The following POLQ variants were observed in gnomAD, a reference collection of about 807,000 sequenced individuals.
The protein encoded by POLQ is epididymis secretory sperm binding protein.
POLQ carries 233 observed loss-of-function variants against 259.2 expected under a neutral mutation model. The ratio of observed to expected loss-of-function variants is 0.90; its 90% CI spans 0.81 to 1.00. POLQ has a LOEUF of 1.00. Among genes scored for constraint, POLQ ranks in the 50% least tolerant of loss-of-function variants. The pLI is 0.00. For missense variants in POLQ, 2,871 were observed against 3,051.6 expected, an observed-to-expected ratio of 0.94 and a Z score of 1.39; for synonymous variants, 1,025 against 1,048.8, an observed-to-expected ratio of 0.98 and a Z score of 0.44.
At chr3:121,512,533 C>A (rs996694237) in intron 9 of POLQ, among the ~76,000 whole-genome samples, 5 of 152,168 alleles carry the variant, frequency 3.3e-5, no homozygotes, top group South Asian at 2.1e-4. Flanking sequence ...TTTCTTGTTG[C>A]TTCTCCACAA....
rs543929187 is a variant in POLQ at position 121,541,557 on chromosome 3, T to C, written c.344-78A>G. On this transcript the variant is annotated intron_variant, in intron 2 of 29. Coordinates refer to ENST00000264233, the MANE Select transcript of POLQ (RefSeq NM_199420.4). ...ATTCATTAATAAATGTTTTAAGCCA[T>C]GTGTAGTACTACAGAGCCTAAGGCT... The C allele has an allele frequency of 2.8e-4, 371 of 1,304,452 alleles. 1 individual carries two copies. The Admixed American group carries it at 5.2e-3, about 18-fold the overall frequency. 80.8% of individuals were successfully genotyped at this position (1,304,452 alleles called of 1,614,324 possible). A position where few individuals can be genotyped will look rare whatever the true frequency, so the allele number is the denominator to read the frequency against.
chr3:121,482,511 A>G (rs985349832), intron 18 of POLQ, among the ~76,000 whole-genome samples: 18 of 117,252 alleles, frequency 1.5e-4, no homozygotes, highest in Non-Finnish European at 2.9e-4. Context: ...CAAGAGCAAA[A>G]CTTCGTCTCA....
At chr3:121,509,849 G>T in intron 11 of POLQ, 146 bp from the exon 12 acceptor site, 1 of 886,700 alleles carries the variant, frequency 1.1e-6, no homozygotes. Context: ...AAATGTATGA[G>T]CAGGCTCTAT....
intron 3 of POLQ, 44 bp from the exon 4 acceptor site, chr3:121,539,633 A>T: frequency 6.7e-7 from 1 of 1,485,798 alleles, no homozygotes; most frequent in Non-Finnish European, 9.4e-7. Flanking sequence ...AAAACTTGAA[A>T]TTCAAGAGTT....
chr3:121,508,558 A>G (rs2048228227), intron 12 of POLQ, among the ~76,000 whole-genome samples: 2 of 152,186 alleles, frequency 1.3e-5, no homozygotes, highest in African/African-American at 4.8e-5. Flanking sequence ...CCACTGTATA[A>G]TAAATGACTT....
At chr3:121,439,314 T>A (rs1176047910) in intron 27 of POLQ, among the ~76,000 whole-genome samples, 1 of 151,490 alleles carries the variant, frequency 6.6e-6, no homozygotes, top group African/African-American at 2.4e-5. Flanking sequence ...CACTGCAGCC[T>A]CCAATTCCTG....
Position 121,511,913 on chromosome 3 carries a change from C to G in POLQ, c.1585G>C (p.Gly529Arg). 6.2e-7 allele frequency: 1 copy of G among 1,613,786 alleles called. No homozygotes were observed. ...TCCAGAATAGCTCGTATCATGCTGC[C>G]AGTTACTTCTTCTCCTTCTCGTCTT... ...LQRREGEEVTGSMIRAILEII... is the reference protein window; with the variant it reads ...LQRREGEEVTRSMIRAILEII... The change falls in exon 10 of 30, where the codon GGC (glycine) becomes CGC (arginine). Residue 529 changes from glycine (G) to arginine (R), a missense_variant. By Grantham distance (125) the Gly-to-Arg change is moderately radical (BLOSUM62 -2). Transcript: ENST00000264233.
At chr3:121,459,370 T>TG (rs1491535584) in intron 25 of POLQ, among the ~76,000 whole-genome samples, 6 of 18,812 alleles carry the variant, frequency 3.2e-4, no homozygotes, top group African/African-American at 2.3e-3. Flanking sequence ...ACTAGAAAGA[T>TG]TTTTTTTTTT....
intron 26 of POLQ, among the ~76,000 whole-genome samples, chr3:121,440,877 T>C (rs2108774372): frequency 6.6e-6 from 1 of 152,284 alleles, no homozygotes; most frequent in Middle Eastern, 3.4e-3. Flanking sequence ...CTGAAATTAA[T>C]GCATGAGTTA....
chr3:121,449,000 AT>A (rs1402603938), intron 26 of POLQ, among the ~76,000 whole-genome samples: 1 of 152,216 alleles, frequency 6.6e-6, no homozygotes, highest in African/African-American at 2.4e-5. Context: ...TATATACTCA[AT>A]AGTTTACTGT....
intron 24 of POLQ, among the ~76,000 whole-genome samples, chr3:121,465,043 G>A (rs1226922664): frequency 6.6e-6 from 1 of 150,800 alleles, no homozygotes; most frequent in Non-Finnish European, 1.5e-5. Flanking sequence ...TAAAAAATGA[G>A]TTTCTGGTAC....
chr3:121,515,763 C>G (rs1331236037), intron 9 of POLQ, among the ~76,000 whole-genome samples: 1 of 152,248 alleles, frequency 6.6e-6, no homozygotes, highest in Middle Eastern at 3.4e-3. Context: ...CACAAGAACA[C>G]AGATTACAAA....
At chr3:121,490,446 T>G in intron 15 of POLQ, 38 bp from the exon 16 acceptor site, 1 of 1,523,278 alleles carries the variant, frequency 6.6e-7, no homozygotes, top group Non-Finnish European at 9.1e-7. Context: ...AATGAATTCA[T>G]TCATTCGTAA....
rs2047514784 is a variant in POLQ at position 121,433,112 on chromosome 3, T to C, written c.7544-79A>G. On this transcript the variant is annotated intron_variant, in intron 28 of 29. Transcript: ENST00000264233. Reference sequence around the variant, plus strand: ...AATGTTTTTAGAGATTCTGAGTAACTCTGAGGAATTTTAATGAGAAGATTA... The same window carrying C: ...AATGTTTTTAGAGATTCTGAGTAACCCTGAGGAATTTTAATGAGAAGATTA... The C allele has an allele frequency of 5.2e-6, 4 of 770,036 alleles. No individual in the cohort carries two copies. In the Admixed American group the frequency reaches 6.0e-5, roughly 12 times the overall value. 47.7% of individuals were successfully genotyped at this position (770,036 alleles called of 1,614,324 possible). A position where few individuals can be genotyped will look rare whatever the true frequency, so the allele number is the denominator to read the frequency against.
rs750113313 is a variant in POLQ at position 121,433,002 on chromosome 3, C to T, written c.7575G>A (p.Met2525Ile). ...AGAAGCCTCCTCTGATTGGGCAGAA[C>T]ATCCCTTGCAGTTTTCTCTTTCGTG... is the stretch of plus-strand genomic sequence containing the variant. ...GLSRKRKLQG[M>I]FCPIRGGFFI... Residue 2525 changes from methionine to isoleucine, a missense_variant, in exon 29 of 30, where the codon ATG becomes ATA. This residue lies in a region of POLQ where 2,080 missense variants were observed against 2,126.0 expected (regional missense o/e 0.98). Transcript: ENST00000264233. 2 of 1,611,578 alleles carry T rather than the reference C, an allele frequency of 1.2e-6. No homozygotes were observed. The highest frequency in any genetic ancestry group is 2.2e-5 in the East Asian group (1 of 44,862).
At chr3:121,522,246 T>C in intron 7 of POLQ, 97 bp from the exon 8 acceptor site, 2 of 610,312 alleles carry the variant, frequency 3.3e-6, no homozygotes, top group Admixed American at 3.2e-5. Flanking sequence ...AGGGGAATGG[T>C]TCTGAAACTG....
At position 121,449,316 on chromosome 3, in the gene POLQ, T is replaced by G. The variant is rs1368374770; in HGVS notation, c.7263A>C (p.Thr2421=). 1.4e-6 allele frequency: 2 copies of G among 1,380,724 alleles called. No homozygotes were observed. Among genetic ancestry groups the G allele is most frequent in the African/African-American group, 2.8e-5 (2 of 70,462 alleles). The allele number at this position is 1,380,724 out of a possible 1,614,324, so 85.5% of individuals were successfully genotyped here. The change falls in exon 26 of 30, where the codon ACA becomes ACC. Residue 2421 remains threonine (T), a splice_region_variant and synonymous_variant. Transcript: ENST00000264233. ...CYIDSFKSRY[T]GINQFMTETV... ...AATACTATCTAGAAGATAAATTACC[T>G]GTGTATCTGGATTTGAAGGAGTCAA...
intron 12 of POLQ, among the ~76,000 whole-genome samples, chr3:121,505,782 G>A (rs1443979834): frequency 6.6e-6 from 1 of 151,576 alleles, no homozygotes; most frequent in Non-Finnish European, 1.5e-5. Flanking sequence ...GCCAAGGCAG[G>A]TGGATCACCT....
intron 7 of POLQ, among the ~76,000 whole-genome samples, chr3:121,524,227 A>G (rs577459181): frequency 1.3e-5 from 2 of 152,338 alleles, no homozygotes; most frequent in South Asian, 4.1e-4. Context: ...TGTAGAAGGT[A>G]CCAGTTAAGG....
Sources: allele counts gnomAD v4.1 joint callset (sites outside exome capture counted in the v4.1 genomes callset), GRCh38; gene constraint gnomAD v4.1.1; regional missense constraint gnomAD v4.1.1; transcripts MANE v1.5; gene names NCBI Gene and HGNC (gene_info 2026-07-23, HGNC 2026-07-21).